ILDR1: variants seen among roughly 807,000 people sequenced by gnomAD.
ILDR1 encodes immunoglobulin like domain containing receptor 1, also known as immunoglobulin-like domain-containing receptor 1.
Under a neutral mutation model 62.4 loss-of-function variants are expected in ILDR1, and 56 were observed. That is an observed-to-expected ratio of 0.90 (90% CI 0.72 to 1.12). The LOEUF is 1.12. Among genes scored for constraint, ILDR1 ranks in the 50% most tolerant of loss-of-function variants. ILDR1 has a pLI of 0.00. For synonymous variants in ILDR1, 284 were observed against 277.8 expected (o/e 1.02, Z -0.22); for missense variants, 736 against 710.6 (o/e 1.04, Z -0.41).
the ILDR1 span, among the ~76,000 whole-genome samples, chr3:122,052,884 T>G: frequency 3.3e-5 from 5 of 152,332 alleles, no homozygotes; most frequent in Admixed American, 2.6e-4. Context: ...GTCAGAACTT[T>G]GGATATATGG....
At chr3:122,049,983 A>G in the ILDR1 span, among the ~76,000 whole-genome samples, 1 of 152,224 alleles carries the variant, frequency 6.6e-6, no homozygotes, top group Non-Finnish European at 1.5e-5. Flanking sequence ...GTAAGAAATC[A>G]ATTTCTGTTA....
the ILDR1 span, among the ~76,000 whole-genome samples, chr3:122,052,691 G>A: frequency 1.3e-5 from 2 of 152,016 alleles, no homozygotes; most frequent in Non-Finnish European, 2.9e-5. Context: ...CTCCTGCCTC[G>A]GCCTTCCAAG....
intron 1 of ILDR1, among the ~76,000 whole-genome samples, chr3:122,021,275 G>A (rs1277043469): frequency 6.6e-6 from 1 of 152,198 alleles, no homozygotes; most frequent in African/African-American, 2.4e-5. Flanking sequence ...GAAAGAGCCT[G>A]CCCATTCTGT....
In ILDR1 at chr3:121,993,810, G is replaced by A. The variant is rs778119844; in HGVS notation, c.939C>T (p.Pro313=). ...PPDLKGRFGH[P]CSMLSSLGSE... is the part of the protein sequence containing the mutation. Reference sequence around the variant, plus strand: ...AGCCCAGGGAGGACAGCATGCTGCAGGGATGGCCAAATCTGCCTTTGAGGT... The same window carrying A: ...AGCCCAGGGAGGACAGCATGCTGCAAGGATGGCCAAATCTGCCTTTGAGGT... The change falls in exon 7 of 8, where the codon CCC becomes CCT. Residue 313 remains proline (P), a synonymous_variant. Transcript: ENST00000344209. 2.5e-6 allele frequency: 4 copies of A among 1,614,072 alleles called. No individual in the cohort carries two copies. In the African/African-American group the frequency reaches 5.3e-5, roughly 22 times the overall value.
At chr3:122,036,102 G>A in the ILDR1 span, among the ~76,000 whole-genome samples, 5 of 152,176 alleles carry the variant, frequency 3.3e-5, no homozygotes, top group African/African-American at 1.2e-4. Context: ...CTATGCTTTA[G>A]CAAAGAAACT....
At chr3:122,005,627 C>T (rs889078679) in intron 2 of ILDR1, among the ~76,000 whole-genome samples, 1 of 152,094 alleles carries the variant, frequency 6.6e-6, no homozygotes, top group African/African-American at 2.4e-5. Flanking sequence ...ACATTTTGAG[C>T]AGCCAGACTC....
intron 5 of ILDR1, among the ~76,000 whole-genome samples, chr3:121,999,678 C>A (rs1265649109): frequency 6.6e-6 from 1 of 152,108 alleles, no homozygotes; most frequent in Non-Finnish European, 1.5e-5. Flanking sequence ...AAGTTCTAAG[C>A]CCCCAAATGA....
At chr3:121,998,651 G>A (rs932356553) in intron 5 of ILDR1, among the ~76,000 whole-genome samples, 1 of 152,066 alleles carries the variant, frequency 6.6e-6, no homozygotes, top group Non-Finnish European at 1.5e-5. Context: ...AGTGCCCCAC[G>A]AACCTAGGGA....
In ILDR1 at chr3:122,005,335, C is replaced by T; in HGVS notation, c.288G>A (p.Gln96=). The change falls in exon 3 of 8, where the codon CAG becomes CAA. Residue 96 remains glutamine (Q), a synonymous_variant. Coordinates refer to ENST00000344209, the MANE Select transcript of ILDR1 (RefSeq NM_001199799.2). ...GCTGGGCCACTATGCGAACTTCCCG[C>T]TGGTTGTCGTTGCAGTCATTGGATG... The part of the protein sequence containing the change: ...QDPSNDCNDN[Q]REVRIVAQRR... The T allele has an allele frequency of 6.2e-7, 1 of 1,614,164 alleles. No individual in the cohort carries two copies. Among genetic ancestry groups the T allele is most frequent in the Non-Finnish European group, 8.5e-7 (1 of 1,180,034 alleles).
At chr3:122,029,842 A>G in the ILDR1 span, among the ~76,000 whole-genome samples, 1 of 152,198 alleles carries the variant, frequency 6.6e-6, no homozygotes, top group Admixed American at 6.5e-5. Flanking sequence ...CCCCTGACAT[A>G]CTGGGTAACC....
At chr3:121,989,167 T>C (rs772046228) in intron 7 of ILDR1, among the ~76,000 whole-genome samples, 3 of 152,222 alleles carry the variant, frequency 2.0e-5, no homozygotes, top group Non-Finnish European at 4.4e-5. Context: ...TGTATGTACA[T>C]TCATGTTGCT....
At chr3:122,028,018 C>G in the ILDR1 span, among the ~76,000 whole-genome samples, 11 of 152,108 alleles carry the variant, frequency 7.2e-5, no homozygotes, top group Non-Finnish European at 1.6e-4. Flanking sequence ...AGGATGTTCA[C>G]TTGATGTCCA....
intron 1 of ILDR1, 23 bp downstream of exon 1, chr3:122,021,997 G>T (rs761892054): frequency 2.6e-5 from 41 of 1,603,864 alleles, no homozygotes; most frequent in Non-Finnish European, 3.2e-5. Flanking sequence ...GTCCAGGGTG[G>T]GTACCATTTT....
intron 1 of ILDR1, among the ~76,000 whole-genome samples, chr3:122,016,395 G>A (rs958049914): frequency 6.6e-6 from 1 of 152,208 alleles, no homozygotes; most frequent in African/African-American, 2.4e-5. Flanking sequence ...TTGCCAGCAC[G>A]AGGTCTTGCA....
intron 1 of ILDR1, among the ~76,000 whole-genome samples, chr3:122,015,424 C>T (rs1294031936): frequency 6.6e-6 from 1 of 152,172 alleles, no homozygotes; most frequent in African/African-American, 2.4e-5. Context: ...GTGTCCCCAC[C>T]CAAATCTCAT....
At chr3:122,048,111 G>A in the ILDR1 span, among the ~76,000 whole-genome samples, 1 of 152,312 alleles carries the variant, frequency 6.6e-6, no homozygotes, top group Admixed American at 6.5e-5. Context: ...TTATTATGTT[G>A]AGGTAAATTC....
chr3:122,021,900 C>A (rs988642746), intron 1 of ILDR1, 120 bp downstream of exon 1: 3 of 918,996 alleles, frequency 3.3e-6, no homozygotes, highest in African/African-American at 1.7e-5. Context: ...CCATGCCAAG[C>A]GCCACCAGAG....
At chr3:122,053,145 G>A in the ILDR1 span, among the ~76,000 whole-genome samples, 1 of 152,104 alleles carries the variant, frequency 6.6e-6, no homozygotes. Context: ...CACAGGCTGG[G>A]GTTTCTCATT....
At chr3:122,051,628 G>A in the ILDR1 span, among the ~76,000 whole-genome samples, 1 of 151,980 alleles carries the variant, frequency 6.6e-6, no homozygotes, top group Non-Finnish European at 1.5e-5. Flanking sequence ...TGTTTCTGGA[G>A]ACTTATTTTG....
Sources: gnomAD v4.1 joint callset for allele counts (sites outside exome capture counted in the v4.1 genomes callset) on GRCh38, gnomAD v4.1.1 for gene constraint, MANE v1.5 for transcripts, NCBI Gene and HGNC (gene_info 2026-07-23, HGNC 2026-07-21) for gene names.